NAA25: variants seen among roughly 807,000 people sequenced by gnomAD.
NAA25 encodes the protein N-alpha-acetyltransferase 25, NatB auxiliary subunit, also known as N-terminal acetyltransferase B complex subunit NAA25.
NAA25 carries 30 observed loss-of-function variants against 132.5 expected under a neutral mutation model. The ratio of observed to expected loss-of-function variants is 0.23; its 90% confidence interval spans 0.17 to 0.31. The LOEUF is 0.31. Ranked by LOEUF, NAA25 falls within the 10% of genes least tolerant of loss-of-function variation. The probability of loss-of-function intolerance (pLI) is 1.00; values close to 1 mark genes in which losing one functional copy is unlikely to be tolerated. For missense variants in NAA25, 771 were observed against 1,150.4 expected (o/e 0.67, Z 4.77); for synonymous variants, 359 against 401.9 (o/e 0.89, Z 1.28).
intron 12 of NAA25, 100 bp downstream of exon 12, chr12:112,061,081 C>A: frequency 1.1e-6 from 1 of 897,734 alleles, no homozygotes; most frequent in Non-Finnish European, 1.7e-6. Flanking sequence ...AGTCTCCTTA[C>A]AAAACTCATT....
chr12:112,106,890 C>A (rs1280413030), intron 1 of NAA25, among the ~76,000 whole-genome samples: 1 of 130,890 alleles, frequency 7.6e-6, no homozygotes, highest in Non-Finnish European at 1.5e-5. Context: ...GAGGCGGAGG[C>A]TGGTTGCAGT....
chr12:112,030,319 CCTA>C (rs1490574472), intron 23 of NAA25, among the ~76,000 whole-genome samples: 2 of 151,372 alleles, frequency 1.3e-5, no homozygotes, highest in Admixed American at 6.6e-5. Context: ...ACATAAAATC[CCTA>C]CTATTTTGTT....
intron 11 of NAA25, among the ~76,000 whole-genome samples, chr12:112,065,099 G>A (rs962397297): frequency 3.3e-5 from 5 of 151,990 alleles, no homozygotes; most frequent in South Asian, 2.1e-4. Context: ...CACGGCTCAC[G>A]CCTGTAATCC....
intron 1 of NAA25, among the ~76,000 whole-genome samples, 153 bp downstream of exon 1, chr12:112,108,563 G>T (rs1672156718): frequency 6.6e-6 from 1 of 151,552 alleles, no homozygotes; most frequent in Non-Finnish European, 1.5e-5. Flanking sequence ...CCTACGCGAG[G>T]CCCGCGGCTG....
At chr12:112,071,484 A>G (rs2078807911) in intron 10 of NAA25, among the ~76,000 whole-genome samples, 1 of 152,024 alleles carries the variant, frequency 6.6e-6, no homozygotes, top group Non-Finnish European at 1.5e-5. Flanking sequence ...GATGTGCGTC[A>G]TTATGCCCAG....
At chr12:112,099,131 T>C (rs1287834437) in intron 1 of NAA25, among the ~76,000 whole-genome samples, 14 of 151,838 alleles carry the variant, frequency 9.2e-5, no homozygotes, top group Admixed American at 9.2e-4. Flanking sequence ...GGACTACAGG[T>C]GCGCACCACC....
chr12:112,094,219 C>T (rs530183996), intron 1 of NAA25, among the ~76,000 whole-genome samples: 6 of 128,252 alleles, frequency 4.7e-5, no homozygotes, highest in Non-Finnish European at 6.2e-5. Context: ...CCAGCCTAGG[C>T]GACAGAGGGA....
intron 7 of NAA25, among the ~76,000 whole-genome samples, chr12:112,077,395 C>T (rs1453146210): frequency 6.6e-6 from 1 of 151,740 alleles, no homozygotes; most frequent in Non-Finnish European, 1.5e-5. Flanking sequence ...ATCACTTGAA[C>T]CCAGGAGGCA....
chr12:112,048,256 C>G (rs757028663), intron 16 of NAA25, 36 bp downstream of exon 16: 2 of 1,591,872 alleles, frequency 1.3e-6, no homozygotes, highest in Admixed American at 3.4e-5. Flanking sequence ...CTGATCTAAT[C>G]CCTTAGTTCC....
intron 3 of NAA25, among the ~76,000 whole-genome samples, chr12:112,088,330 T>G (rs913698948): frequency 6.2e-5 from 9 of 144,392 alleles, no homozygotes; most frequent in Admixed American, 1.4e-4. Context: ...TTTTTTTTTT[T>G]TTTTTTTTTT....
chr12:112,039,614 C>T (rs1460808369), intron 21 of NAA25: 1 of 241,956 alleles, frequency 4.1e-6, no homozygotes, highest in Non-Finnish European at 7.9e-6. Context: ...AATTTTCTGT[C>T]ACTTCCCTGA....
chr12:112,081,788 T>C (rs2078976252), intron 4 of NAA25, among the ~76,000 whole-genome samples: 1 of 152,242 alleles, frequency 6.6e-6, no homozygotes, highest in Non-Finnish European at 1.5e-5. Context: ...TGTTTTTTAA[T>C]CTTTTGCCTA....
chr12:112,026,820 T>C lies in NAA25; in HGVS notation c.*2711A>G, dbSNP rs2078092527. ...AATCACATCAAATAAGTAGGAAGTT[T>C]CAATAACAAGCCTGTAGATACATTG... is the stretch of plus-strand genomic sequence containing the variant. On this transcript the variant is annotated 3_prime_UTR_variant, in exon 24 of 24. Transcript: ENST00000261745. 1 of 152,290 alleles carries C rather than the reference T, an allele frequency of 6.6e-6. No homozygotes were observed. Among genetic ancestry groups the C allele is most frequent in the African/African-American group, 2.4e-5 (1 of 41,466 alleles). The allele number at this position is 152,290 out of a possible 1,614,324, so 9.4% of individuals were successfully genotyped here. A position where few individuals can be genotyped will look rare whatever the true frequency, so the allele number is the denominator to read the frequency against.
At chr12:112,053,727 T>C (rs2078501967) in intron 14 of NAA25, 70 bp from the exon 15 acceptor site, 2 of 1,113,198 alleles carry the variant, frequency 1.8e-6, no homozygotes, top group South Asian at 2.9e-5. Flanking sequence ...GTAACAAATA[T>C]TACGCTTCAA....
chr12:112,071,120 G>C (rs1175185884), intron 10 of NAA25, among the ~76,000 whole-genome samples: 6 of 152,040 alleles, frequency 3.9e-5, no homozygotes, highest in African/African-American at 7.2e-5. Context: ...CTGACCTCAG[G>C]TGATCCGCCC....
chr12:112,036,215 T>C (rs530140069), intron 22 of NAA25, among the ~76,000 whole-genome samples: 31 of 152,292 alleles, frequency 2.0e-4, no homozygotes, highest in Non-Finnish European at 3.8e-4. Flanking sequence ...AAATAAACTT[T>C]ATATGATATT....
At chr12:112,108,385 G>C (rs748622819) in intron 1 of NAA25, among the ~76,000 whole-genome samples, 10 of 152,226 alleles carry the variant, frequency 6.6e-5, no homozygotes, top group Admixed American at 1.3e-4. Flanking sequence ...CCTTCGGGGA[G>C]ATCTCCGGTC....
chr12:112,043,773 G>A lies in NAA25; in HGVS notation c.2102C>T (p.Pro701Leu), dbSNP rs1445532247. ...TGGCTCCACAGGGTGGTTGAGACTT[G>A]GAAGTCCACTTATCAGCCTCAATGT... ...SLTLRLISGL[P>L]SLNHPVEPKN... Residue 701 changes from proline (P) to leucine (L), a missense_variant, in exon 18 of 24, where the codon CCA becomes CTA. By Grantham distance (98) the Pro-to-Leu change is moderately conservative. Coordinates refer to ENST00000261745, the MANE Select transcript of NAA25 (RefSeq NM_024953.4). The A allele has an allele frequency of 1.9e-6, 3 of 1,614,106 alleles. No homozygotes were observed. Among genetic ancestry groups the A allele is most frequent in the East Asian group, 2.2e-5 (1 of 44,876 alleles).
intron 17 of NAA25, among the ~76,000 whole-genome samples, chr12:112,047,420 T>C (rs549839882): frequency 1.3e-5 from 2 of 151,922 alleles, no homozygotes; most frequent in Admixed American, 6.6e-5. Flanking sequence ...TTAGTAGAGA[T>C]AGGGTTTCAC....
Sources: allele counts gnomAD v4.1 joint callset (sites outside exome capture counted in the v4.1 genomes callset), GRCh38; gene constraint gnomAD v4.1.1; transcripts MANE v1.5; gene names NCBI Gene and HGNC (gene_info 2026-07-23, HGNC 2026-07-21).